KCNIP4: variants seen among roughly 807,000 people sequenced by gnomAD.
The protein encoded by KCNIP4 is potassium voltage-gated channel interacting protein 4.
Under a neutral mutation model 34.0 loss-of-function variants are expected in KCNIP4, and 12 were observed. The observed-to-expected ratio is 0.35, with a 90% confidence interval of 0.23 to 0.57. The LOEUF is 0.57. KCNIP4 is among the 20% of genes least tolerant of loss of function. KCNIP4 has a pLI of 0.83. For synonymous variants in KCNIP4, 124 were observed against 102.2 expected, an observed-to-expected ratio of 1.21 and a Z score of -1.29; for missense variants, 238 against 311.7, an observed-to-expected ratio of 0.76 and a Z score of 1.78.
intron 1 of KCNIP4, among the ~76,000 whole-genome samples, chr4:21,352,609 A>G (rs1461905625): frequency 6.6e-6 from 1 of 152,212 alleles, no homozygotes; most frequent in African/African-American, 2.4e-5. Flanking sequence ...TGAGCAGGTA[A>G]ACAAAGCAGC....
intron 1 of KCNIP4, among the ~76,000 whole-genome samples, chr4:21,560,896 C>T (rs762607347): frequency 6.6e-6 from 1 of 151,950 alleles, no homozygotes; most frequent in Admixed American, 6.6e-5. Flanking sequence ...GGTGCCTCCA[C>T]AAATGAAAAA....
At chr4:21,892,670 T>C (rs1264769595) in intron 1 of KCNIP4, among the ~76,000 whole-genome samples, 1 of 152,038 alleles carries the variant, frequency 6.6e-6, no homozygotes, top group African/African-American at 2.4e-5. Context: ...TTAAGTTGTC[T>C]ATAAAATAGA....
At chr4:21,681,710 A>C (rs1240590976) in intron 1 of KCNIP4, among the ~76,000 whole-genome samples, 1 of 152,102 alleles carries the variant, frequency 6.6e-6, no homozygotes, top group Non-Finnish European at 1.5e-5. Flanking sequence ...CAAAGAAAAA[A>C]GGTTTCATTG....
intron 1 of KCNIP4, among the ~76,000 whole-genome samples, chr4:20,954,921 C>T (rs1361188586): frequency 1.3e-5 from 2 of 152,216 alleles, no homozygotes; most frequent in Non-Finnish European, 2.9e-5. Flanking sequence ...TTTTCAACCT[C>T]CGTCTTCAGG....
At chr4:21,351,108 A>G (rs1717960692) in intron 1 of KCNIP4, among the ~76,000 whole-genome samples, 1 of 152,194 alleles carries the variant, frequency 6.6e-6, no homozygotes, top group African/African-American at 2.4e-5. Flanking sequence ...GGCTGAAATG[A>G]CAGGCATAAA....
At chr4:21,110,353 C>T (rs543859168) in intron 1 of KCNIP4, among the ~76,000 whole-genome samples, 2 of 152,266 alleles carry the variant, frequency 1.3e-5, no homozygotes, top group African/African-American at 4.8e-5. Context: ...GAAGCTTCCA[C>T]AGCAAGGAGG....
chr4:20,743,940 A>C (rs1751796279), intron 5 of KCNIP4, among the ~76,000 whole-genome samples: 1 of 152,182 alleles, frequency 6.6e-6, no homozygotes, highest in African/African-American at 2.4e-5. Flanking sequence ...AACCCTTCAA[A>C]AAGTGGGCAA....
chr4:21,014,629 G>A (rs955803161), intron 1 of KCNIP4, among the ~76,000 whole-genome samples: 1 of 152,188 alleles, frequency 6.6e-6, no homozygotes, highest in African/African-American at 2.4e-5. Flanking sequence ...GTGTTGGCAA[G>A]GATGCGTGGA....
chr4:21,373,957 G>A (rs1040934052), intron 1 of KCNIP4, among the ~76,000 whole-genome samples: 4 of 82,540 alleles, frequency 4.8e-5, no homozygotes, highest in Admixed American at 1.0e-4. Context: ...CACCCACCTC[G>A]GCCTCCCAAG....
rs142375861 is a variant in KCNIP4, at chr4:20,983,374, G to A, written c.62-100665C>T. Among the ~76,000 whole-genome samples, 1,122 of 152,098 alleles carry A rather than the reference G, an allele frequency of 7.4e-3. 16 individuals are homozygous for A. The highest frequency in any genetic ancestry group is 0.026 in the African/African-American group (1,082 of 41,478). On this transcript the variant is annotated intron_variant, in intron 1 of 8. Coordinates refer to ENST00000382152, the MANE Select transcript of KCNIP4 (RefSeq NM_025221.6). ...CATTTTATATCATAATAAACCACCC[G>A]GGTTCACCCCCACACCTCCTAACTA...
At chr4:21,046,863 G>A (rs1742473128) in intron 1 of KCNIP4, among the ~76,000 whole-genome samples, 1 of 152,144 alleles carries the variant, frequency 6.6e-6, no homozygotes, top group African/African-American at 2.4e-5. Context: ...AAAGTGCTGG[G>A]ATTACAGGCG....
intron 1 of KCNIP4, among the ~76,000 whole-genome samples, chr4:21,827,732 A>G (rs566770826): frequency 2.0e-5 from 3 of 152,158 alleles, no homozygotes; most frequent in African/African-American, 7.2e-5. Context: ...TTAAGAAAAA[A>G]TAAATACACT....
chr4:21,233,094 T>C (rs1365413161), intron 1 of KCNIP4, among the ~76,000 whole-genome samples: 3 of 152,114 alleles, frequency 2.0e-5, no homozygotes, highest in Non-Finnish European at 4.4e-5. Context: ...GGTCACTTGC[T>C]AGGTTGATAT....
intron 1 of KCNIP4, among the ~76,000 whole-genome samples, chr4:21,285,692 AAAGCC>A (rs1267155035): frequency 6.6e-6 from 1 of 151,912 alleles, no homozygotes; most frequent in Non-Finnish European, 1.5e-5. Context: ...AAACAAAAAA[AAAGCC>A]AGGCATGGTA....
At chr4:20,757,639 C>G (rs1754592074) in intron 4 of KCNIP4, among the ~76,000 whole-genome samples, 1 of 152,172 alleles carries the variant, frequency 6.6e-6, no homozygotes, top group African/African-American at 2.4e-5. Flanking sequence ...CATGTCCCTA[C>G]TGCCTTTTAA....
At chr4:21,026,111 C>T (rs1740537484) in intron 1 of KCNIP4, among the ~76,000 whole-genome samples, 1 of 152,152 alleles carries the variant, frequency 6.6e-6, no homozygotes, top group African/African-American at 2.4e-5. Context: ...GGCAACTTGA[C>T]TTCTCAGGGT....
At chr4:21,253,741 A>T (rs1433899610) in intron 1 of KCNIP4, among the ~76,000 whole-genome samples, 1 of 152,224 alleles carries the variant, frequency 6.6e-6, no homozygotes, top group Admixed American at 6.5e-5. Flanking sequence ...GAGATGTTTT[A>T]TGAGATTCCA....
intron 1 of KCNIP4, among the ~76,000 whole-genome samples, chr4:21,729,586 T>TA (rs35387147): frequency 0.42 from 63,113 of 150,548 alleles, 16,286 homozygotes; most frequent in East Asian, 0.67. Flanking sequence ...ATGCATGAAA[T>TA]AAATTAGTAA....
intron 1 of KCNIP4, among the ~76,000 whole-genome samples, chr4:21,095,199 C>T (rs971227907): frequency 5.9e-5 from 9 of 152,144 alleles, no homozygotes; most frequent in African/African-American, 2.2e-4. Context: ...CATGTGTGAT[C>T]ATTCATGTTG....
Sources: gnomAD v4.1 joint callset for allele counts (sites outside exome capture counted in the v4.1 genomes callset) on GRCh38, gnomAD v4.1.1 for gene constraint, MANE v1.5 for transcripts, NCBI Gene and HGNC (gene_info 2026-07-23, HGNC 2026-07-21) for gene names.